COX10: variants seen among roughly 807,000 people sequenced by gnomAD.
The protein encoded by COX10 is cytochrome c oxidase assembly factor heme A:farnesyltransferase COX10.
Under a neutral mutation model 37.3 loss-of-function variants are expected in COX10, and 27 were observed. The ratio of observed to expected loss-of-function variants is 0.72; its 90% confidence interval spans 0.53 to 1.00. The LOEUF (loss-of-function observed/expected upper bound fraction) is 1.00. Ranked by LOEUF, COX10 falls within the 50% of genes least tolerant of loss-of-function variation. The pLI, the probability that COX10 is intolerant of heterozygous loss-of-function variation, is 0.00. For missense variants in COX10, 475 were observed against 563.2 expected (o/e 0.84, Z 1.59); for synonymous variants, 222 against 229.1 (o/e 0.97, Z 0.28).
intron 5 of COX10, among the ~76,000 whole-genome samples, chr17:14,189,590 T>C (rs1041649703): frequency 2.6e-4 from 39 of 152,248 alleles, no homozygotes; most frequent in African/African-American, 8.0e-4. Flanking sequence ...TGATGTCTTA[T>C]CCTCCTTAAT....
intron 4 of COX10, among the ~76,000 whole-genome samples, chr17:14,112,428 T>C (rs1916023065): frequency 6.6e-6 from 1 of 152,184 alleles, no homozygotes; most frequent in Non-Finnish European, 1.5e-5. Context: ...CTGATATTCT[T>C]TGCTGTTATT....
intron 6 of COX10, among the ~76,000 whole-genome samples, chr17:14,197,564 TG>T (rs1906403569): frequency 6.6e-6 from 1 of 152,198 alleles, no homozygotes; most frequent in Non-Finnish European, 1.5e-5. Flanking sequence ...GAATCCAGCA[TG>T]GGGTAAGTGA....
chr17:14,199,006 G>T (rs1906449336), intron 6 of COX10, among the ~76,000 whole-genome samples: 2 of 151,320 alleles, frequency 1.3e-5, no homozygotes, highest in Admixed American at 1.3e-4. Context: ...AATAAACAAG[G>T]AACATTTTCA....
chr17:14,189,355 T>G (rs1481231189), intron 5 of COX10, among the ~76,000 whole-genome samples: 1 of 152,216 alleles, frequency 6.6e-6, no homozygotes, highest in Admixed American at 6.5e-5. Context: ...CAAATTGATG[T>G]GGATGGTTTG....
At chr17:14,167,251 C>CA (rs1265273503) in intron 5 of COX10, among the ~76,000 whole-genome samples, 10 of 152,160 alleles carry the variant, frequency 6.6e-5, no homozygotes, top group Non-Finnish European at 1.5e-4. Flanking sequence ...AAAACTTGAA[C>CA]ACATGAAGAA....
At chr17:14,070,141 C>T (rs1914982634) in intron 1 of COX10, among the ~76,000 whole-genome samples, 1 of 152,062 alleles carries the variant, frequency 6.6e-6, no homozygotes, top group Admixed American at 6.5e-5. Flanking sequence ...TGTCTCTGTA[C>T]CGCCAGAGTG....
intron 3 of COX10, among the ~76,000 whole-genome samples, chr17:14,090,027 T>G (rs1292800711): frequency 1.3e-5 from 2 of 152,002 alleles, no homozygotes; most frequent in Non-Finnish European, 2.9e-5. Context: ...TTTTTTTGCT[T>G]CTTCTCTCCT....
At chr17:14,096,678 T>TTTTTG (rs1597499071) in intron 3 of COX10, among the ~76,000 whole-genome samples, 8 of 152,102 alleles carry the variant, frequency 5.3e-5, no homozygotes, top group Admixed American at 3.9e-4. Flanking sequence ...CAAAAAAATT[T>TTTTTG]TTTTGTTTTG....
intron 1 of COX10, among the ~76,000 whole-genome samples, chr17:14,071,730 CAA>C (rs57780115): frequency 2.6e-5 from 3 of 113,262 alleles, no homozygotes; most frequent in Admixed American, 9.8e-5. Context: ...CTAAAAATAC[CAA>C]AAAAAAAAAA....
intron 4 of COX10, among the ~76,000 whole-genome samples, chr17:14,153,970 C>G (rs1367475853): frequency 6.6e-6 from 1 of 152,054 alleles, no homozygotes; most frequent in African/African-American, 2.4e-5. Flanking sequence ...CTATTGAAAC[C>G]CTCTGCAAGA....
At chr17:14,086,374 T>C (rs1915410015) in intron 3 of COX10, among the ~76,000 whole-genome samples, 1 of 152,114 alleles carries the variant, frequency 6.6e-6, no homozygotes, top group African/African-American at 2.4e-5. Context: ...CAGTTTTTAA[T>C]AAATCATTAA....
chr17:14,186,741 T>G (rs1209977362), intron 5 of COX10, among the ~76,000 whole-genome samples: 1 of 152,034 alleles, frequency 6.6e-6, no homozygotes, highest in Non-Finnish European at 1.5e-5. Flanking sequence ...CCCAGGTGAT[T>G]GCATCCCAAC....
chr17:14,168,564 C>T (rs535141103), intron 5 of COX10, among the ~76,000 whole-genome samples: 2 of 152,366 alleles, frequency 1.3e-5, no homozygotes, highest in Admixed American at 6.5e-5. Context: ...CCAGGCATTT[C>T]CATACTCTGA....
chr17:14,148,624 T>C (rs1279780592), intron 4 of COX10, among the ~76,000 whole-genome samples: 1 of 152,158 alleles, frequency 6.6e-6, no homozygotes, highest in East Asian at 1.9e-4. Context: ...GACCATTATT[T>C]AATGTAGGGG....
chr17:14,136,756 A>G (rs1456901805), intron 4 of COX10, among the ~76,000 whole-genome samples: 1 of 152,040 alleles, frequency 6.6e-6, no homozygotes, highest in East Asian at 1.9e-4. Context: ...ATGGACATGT[A>G]TGGTTTTAGT....
At chr17:14,170,388 TG>T (rs1905426041) in intron 5 of COX10, among the ~76,000 whole-genome samples, 3 of 152,324 alleles carry the variant, frequency 2.0e-5, no homozygotes, top group Admixed American at 6.5e-5. Flanking sequence ...ATAAATAACA[TG>T]TCAGTCTTCA....
intron 4 of COX10, among the ~76,000 whole-genome samples, chr17:14,140,427 A>G (rs908307960): frequency 1.3e-4 from 20 of 152,226 alleles, no homozygotes; most frequent in African/African-American, 4.8e-4. Context: ...TATTTCTTCC[A>G]ATCATACCTG....
At chr17:14,104,553 G>A (rs2142201920) in intron 4 of COX10, among the ~76,000 whole-genome samples, 1 of 152,180 alleles carries the variant, frequency 6.6e-6, no homozygotes, top group South Asian at 2.1e-4. Flanking sequence ...CGGTTGGTCT[G>A]TATAAAAGTT....
intron 3 of COX10, among the ~76,000 whole-genome samples, chr17:14,093,220 T>C (rs1007115710): frequency 2.6e-5 from 4 of 152,326 alleles, no homozygotes; most frequent in East Asian, 3.9e-4. Flanking sequence ...GTTATCCAAC[T>C]TGATTTTTTG....
Sources: allele counts gnomAD v4.1 joint callset (sites outside exome capture counted in the v4.1 genomes callset), GRCh38; gene constraint gnomAD v4.1.1; transcripts MANE v1.5; gene names NCBI Gene and HGNC (gene_info 2026-07-23, HGNC 2026-07-21).